The following HEATR5A variants were observed in gnomAD, a reference collection of about 807,000 sequenced individuals.
HEATR5A encodes the protein HEAT repeat containing 5A.
A neutral mutation model predicts 218.8 loss-of-function variants in HEATR5A; 178 were observed. The ratio of observed to expected loss-of-function variants is 0.81; its 90% CI spans 0.72 to 0.92. HEATR5A has a LOEUF of 0.92. HEATR5A is among the 40% of genes least tolerant of loss of function. The pLI is 0.00. For missense variants in HEATR5A, 2,420 were observed against 2,418.9 expected (o/e 1.00, Z -0.01); for synonymous variants, 864 against 871.6 (o/e 0.99, Z 0.15).
rs749217930 is a variant in HEATR5A, at chr14:31,293,611, G to A, written c.5835C>T (p.Arg1945=). The change falls in exon 36 of 36, where the codon CGC becomes CGT. Residue 1945 remains arginine (R), a splice_region_variant and synonymous_variant. Transcript: ENST00000543095. ...TLVTVAEEHH[R]AQLVACLLPI... is the part of the protein sequence containing the mutation. The stretch of plus-strand genomic sequence containing the variant: ...GCAAAAGACAGGCCACCAGCTGAGC[G>A]CCTAGAAAGTAAACAAATAATATAA... The A allele has an allele frequency of 2.3e-5, 37 of 1,593,786 alleles. No homozygotes were observed. Among genetic ancestry groups the A allele is most frequent in the African/African-American group, 4.1e-5 (3 of 73,448 alleles).
chr14:31,296,288 TA>T (rs964051192), intron 33 of HEATR5A: 19 of 412,636 alleles, frequency 4.6e-5, no homozygotes, highest in African/African-American at 3.5e-4. Context: ...AAGACATCAG[TA>T]AATAAATACA....
Position 31,400,456 on chromosome 14 carries a change from G to A in HEATR5A, c.183C>T (p.Asn61=). ...TGCGGGTAGGAGGCCCTGGGGAGCT[G>A]TTCAACAAAGACAGGAGCTGTTCAA... ...TLVEQLLSLL[N]SSPGPPTRKL... Residue 61 remains asparagine (N), a synonymous_variant, in exon 3 of 36, where the codon AAC becomes AAT. Coordinates refer to ENST00000543095, the MANE Select transcript of HEATR5A (RefSeq NM_015473.4). The A allele has an allele frequency of 6.5e-7, 1 of 1,535,876 alleles. No homozygotes were observed. The highest frequency in any genetic ancestry group is 8.7e-7 in the Non-Finnish European group (1 of 1,146,798).
rs530743178 is a variant in HEATR5A, at chr14:31,371,938, G to A, written c.1862-29C>T. 10 of 1,154,530 alleles carry A rather than the reference G, an allele frequency of 8.7e-6. No homozygotes were observed. In the South Asian group the frequency reaches 1.1e-4, roughly 13 times the overall value. 71.5% of individuals were successfully genotyped at this position (1,154,530 alleles called of 1,614,324 possible). On this transcript the variant is annotated intron_variant, in intron 12 of 35. Transcript: ENST00000543095. Reference sequence around the variant, plus strand: ...AAAAGGAAAACAGACTTTTACTTGGGCATACTGTAATCAACCATGAAAGGC... The same window carrying A: ...AAAAGGAAAACAGACTTTTACTTGGACATACTGTAATCAACCATGAAAGGC...
At position 31,295,913 on chromosome 14, in the gene HEATR5A, G is replaced by C. The variant is rs879195587; in HGVS notation, c.5615C>G (p.Pro1872Arg). The C allele has an allele frequency of 1.2e-6, 2 of 1,612,968 alleles. No homozygotes were observed. The highest frequency in any genetic ancestry group is 3.3e-5 in the Admixed American group (2 of 59,932). Reference sequence around the variant, plus strand: ...TTTCTGCTAAAAGACACTTACCACAGGATCTTTTATCTCAAGAGTAGCTTT... The same window carrying C: ...TTTCTGCTAAAAGACACTTACCACACGATCTTTTATCTCAAGAGTAGCTTT... The part of the protein sequence containing the change: ...KFKATLEIKD[P>R]VVQIKTYQLL... Residue 1872 changes from proline to arginine, a missense_variant, in exon 34 of 36, where the codon CCT becomes CGT. By Grantham distance (103) the Pro-to-Arg change is moderately radical (BLOSUM62 -2). Transcript: ENST00000543095.
In HEATR5A at chr14:31,407,580, TTATTTATATATA is replaced by T. The variant is rs1340745464; in HGVS notation, c.-74-4543_-74-4532del. Among the ~76,000 whole-genome samples, 190 of 149,230 alleles carry T rather than the reference TTATTTATATATA, an allele frequency of 1.3e-3. 3 individuals carry two copies. The highest frequency in any genetic ancestry group is 4.7e-3 in the African/African-American group (185 of 39,764). Reference sequence around the variant, plus strand: ...CATGTACCTGTTATCATCACTTATTTTATTTATATATATATATATATATATATATATATATAT... The same window carrying T: ...CATGTACCTGTTATCATCACTTATTTTATATATATATATATATATATATAT... On this transcript the variant is annotated intron_variant, in intron 1 of 35. Transcript: ENST00000543095.
chr14:31,401,214 T>C (rs2030867126), intron 2 of HEATR5A, among the ~76,000 whole-genome samples: 1 of 152,136 alleles, frequency 6.6e-6, no homozygotes, highest in Non-Finnish European at 1.5e-5. Context: ...GTAATTCCCA[T>C]GTTTCAGGGG....
intron 22 of HEATR5A, among the ~76,000 whole-genome samples, chr14:31,334,999 C>T (rs1900605837): frequency 6.6e-6 from 1 of 151,128 alleles, no homozygotes; most frequent in Admixed American, 6.6e-5. Context: ...CCCCTCAAAC[C>T]TTTAGCAACC....
chr14:31,364,132 T>C, intron 14 of HEATR5A, 57 bp downstream of exon 14: 2 of 683,896 alleles, frequency 2.9e-6, no homozygotes, highest in Non-Finnish European at 5.0e-6. Context: ...CAATAACTAT[T>C]GTTCCAGAAA....
intron 21 of HEATR5A, among the ~76,000 whole-genome samples, chr14:31,338,474 A>G (rs1900737766): frequency 6.6e-6 from 1 of 152,120 alleles, no homozygotes; most frequent in Admixed American, 6.6e-5. Context: ...GTAAATCTCA[A>G]TAGGTTGTAT....
intron 10 of HEATR5A, 60 bp downstream of exon 10, chr14:31,383,461 T>C (rs1467113128): frequency 2.0e-6 from 3 of 1,498,360 alleles, no homozygotes; most frequent in East Asian, 4.6e-5. Flanking sequence ...TCTGTTACTA[T>C]GTGAAGATAC....
chr14:31,333,517 G>A (rs1030154204), intron 22 of HEATR5A, among the ~76,000 whole-genome samples: 1 of 152,100 alleles, frequency 6.6e-6, no homozygotes, highest in Admixed American at 6.5e-5. Flanking sequence ...CTTCCAAAGT[G>A]TTGGGATAAC....
intron 27 of HEATR5A, among the ~76,000 whole-genome samples, chr14:31,314,422 T>G (rs1899853350): frequency 6.6e-6 from 1 of 150,384 alleles, no homozygotes; most frequent in South Asian, 2.1e-4. Context: ...CCTGGCTAAT[T>G]TTTTTTTTAT....
chr14:31,383,433 A>C, intron 10 of HEATR5A, 88 bp downstream of exon 10: 1 of 1,301,292 alleles, frequency 7.7e-7, no homozygotes, highest in Non-Finnish European at 1.1e-6. Context: ...CAGCAAAATA[A>C]AGCATTCAGT....
intron 10 of HEATR5A, 113 bp from the exon 11 acceptor site, chr14:31,380,691 G>A (rs2029943304): frequency 1.5e-6 from 1 of 686,700 alleles, no homozygotes; most frequent in Non-Finnish European, 2.5e-6. Flanking sequence ...AAATGTAAAC[G>A]ATAAAGAACT....
chr14:31,395,297 G>A lies in HEATR5A; in HGVS notation c.499C>T (p.Leu167=), dbSNP rs1039077834. 2.6e-6 allele frequency: 4 copies of A among 1,529,864 alleles called. No homozygotes were observed. In the African/African-American group the frequency reaches 4.1e-5, roughly 16 times the overall value. 94.8% of individuals were successfully genotyped at this position (1,529,864 alleles called of 1,614,324 possible). ...TGACAAGGTGCAGCGGCAGCTCCTA[G>A]TCCATTCAATATATTTTGCAGACTT... is the stretch of plus-strand genomic sequence containing the variant. ...MLSLQNILNG[L]GAAAAPCHRD... is the part of the protein sequence containing the mutation. Residue 167 remains leucine, a synonymous_variant, in exon 5 of 36, where the codon CTA becomes TTA. Coordinates refer to ENST00000543095, the MANE Select transcript of HEATR5A (RefSeq NM_015473.4).
chr14:31,310,159 T>G (rs10400798), intron 28 of HEATR5A, among the ~76,000 whole-genome samples: 5,580 of 152,204 alleles, frequency 0.037, 293 homozygotes, highest in African/African-American at 0.12. Flanking sequence ...CTATTTTTTT[T>G]TGTGTTTAAA....
intron 13 of HEATR5A, among the ~76,000 whole-genome samples, chr14:31,365,169 G>A (rs988413174): frequency 4.6e-5 from 7 of 151,964 alleles, no homozygotes; most frequent in South Asian, 2.1e-4. Context: ...CACTGCACCC[G>A]GCCAGGACTA....
intron 32 of HEATR5A, among the ~76,000 whole-genome samples, chr14:31,304,287 T>C (rs979826612): frequency 6.6e-6 from 1 of 152,246 alleles, no homozygotes; most frequent in Non-Finnish European, 1.5e-5. Context: ...GTGCCATCAC[T>C]GAGGCAGGAA....
Position 31,374,928 on chromosome 14 carries a change from C to A in HEATR5A, c.1749G>T (p.Leu583=), listed in dbSNP as rs1481630908. The A allele has an allele frequency of 1.2e-6, 2 of 1,612,132 alleles. No individual in the cohort carries two copies. Among genetic ancestry groups the A allele is most frequent in the South Asian group, 2.2e-5 (2 of 90,616 alleles). ...VVSHHLARVL[L]LWKCVFPASP... ...ATGCTGGAAAGACACACTTCCACAA[C>A]AGCAGAACTCGAGCAAGGTGATGGC... The change falls in exon 12 of 36, where the codon CTG becomes CTT. Residue 583 remains leucine, a synonymous_variant. Transcript: ENST00000543095.
Sources: gnomAD v4.1 joint callset for allele counts (sites outside exome capture counted in the v4.1 genomes callset) on GRCh38, gnomAD v4.1.1 for gene constraint, MANE v1.5 for transcripts, NCBI Gene and HGNC (gene_info 2026-07-23, HGNC 2026-07-21) for gene names.